The following SAMD5 variants were observed in gnomAD, a reference collection of about 807,000 sequenced individuals.
SAMD5 encodes sterile alpha motif domain-containing protein 5.
A neutral mutation model predicts 11.3 loss-of-function variants in SAMD5; 13 were observed. That is an observed-to-expected ratio of 1.15 (90% CI 0.75 to 1.83). The LOEUF (loss-of-function observed/expected upper bound fraction) is 1.83, where lower values mean the gene tolerates loss of function less well. Ranked by LOEUF, SAMD5 falls within the 40% of genes most tolerant of loss-of-function variation. The probability of loss-of-function intolerance (pLI) is 0.00; values close to 1 mark genes in which losing one functional copy is unlikely to be tolerated. For missense variants in SAMD5, 255 were observed against 239.1 expected, an observed-to-expected ratio of 1.07 and a Z score of -0.44; for synonymous variants, 129 against 111.3, an observed-to-expected ratio of 1.16 and a Z score of -1.00.
intron 1 of SAMD5, among the ~76,000 whole-genome samples, chr6:147,650,973 C>A (rs1790475278): frequency 6.6e-6 from 1 of 151,128 alleles, no homozygotes; most frequent in Admixed American, 6.6e-5. Context: ...TTATGAATTT[C>A]TATTAACTCT....
chr6:147,613,129 T>TCAAACAAAGCATATTA (rs1562333406), intron 1 of SAMD5, among the ~76,000 whole-genome samples: 12 of 150,374 alleles, frequency 8.0e-5, no homozygotes, highest in African/African-American at 3.0e-4. Flanking sequence ...CTAGCCTGGG[T>TCAAACAAAGCATATTA]GACAGAGCAA....
At chr6:147,724,278 C>T (rs945667831) in intron 1 of SAMD5, among the ~76,000 whole-genome samples, 2 of 152,286 alleles carry the variant, frequency 1.3e-5, no homozygotes, top group South Asian at 4.2e-4. Flanking sequence ...CAGGCGCCTG[C>T]CACCACACCT....
At chr6:147,909,634 C>CTTTCTTTCTTTCTTTCTTTCTTTCTTTCT in the SAMD5 span, among the ~76,000 whole-genome samples, 19 of 66,584 alleles carry the variant, frequency 2.9e-4, 2 homozygotes, top group South Asian at 5.3e-3. Context: ...CTTTCTTTCT[C>CTTTCTTTCTTTCTTTCTTTCTTTCTTTCT]TTTCTTGTCT....
intron 1 of SAMD5, among the ~76,000 whole-genome samples, chr6:147,670,972 A>C (rs961264627): frequency 2.6e-5 from 4 of 152,224 alleles, no homozygotes; most frequent in African/African-American, 9.7e-5. Flanking sequence ...TAAGCTTAAT[A>C]ATTTCTAGCT....
chr6:147,915,015 G>GTCTCTTTAGC, the SAMD5 span, among the ~76,000 whole-genome samples: 1 of 152,162 alleles, frequency 6.6e-6, no homozygotes, highest in Non-Finnish European at 1.5e-5. Flanking sequence ...AAAGAGACAT[G>GTCTCTTTAGC]AGAACTAATC....
At chr6:147,544,422 G>A (rs1291474342) in intron 1 of SAMD5, among the ~76,000 whole-genome samples, 2 of 152,134 alleles carry the variant, frequency 1.3e-5, no homozygotes. Flanking sequence ...TGATTATTAA[G>A]TTATAAGCAC....
At chr6:147,944,347 G>A in the SAMD5 span, among the ~76,000 whole-genome samples, 4 of 152,184 alleles carry the variant, frequency 2.6e-5, no homozygotes, top group East Asian at 7.7e-4. Context: ...AGGAAAGGAG[G>A]AGCAAGTCAC....
the SAMD5 span, among the ~76,000 whole-genome samples, chr6:147,758,164 A>C: frequency 1.3e-5 from 2 of 152,310 alleles, no homozygotes; most frequent in African/African-American, 4.8e-5. Context: ...AAAATACCCC[A>C]CTGGATTTAT....
chr6:147,786,889 C>T, the SAMD5 span, among the ~76,000 whole-genome samples: 1 of 152,132 alleles, frequency 6.6e-6, no homozygotes, highest in Non-Finnish European at 1.5e-5. Flanking sequence ...CATGACCAGC[C>T]ACACTCTGCA....
intron 1 of SAMD5, among the ~76,000 whole-genome samples, chr6:147,523,182 C>A (rs1788281171): frequency 6.6e-6 from 1 of 152,014 alleles, no homozygotes; most frequent in African/African-American, 2.4e-5. Flanking sequence ...AATTGAAAAC[C>A]CTTATAAAAT....
At chr6:147,595,386 C>T (rs1252785829) in intron 1 of SAMD5, among the ~76,000 whole-genome samples, 2 of 152,092 alleles carry the variant, frequency 1.3e-5, no homozygotes, top group Non-Finnish European at 2.9e-5. Context: ...AACAGTTAGC[C>T]AGTAGAGCCC....
the SAMD5 span, among the ~76,000 whole-genome samples, chr6:147,745,097 G>A: frequency 6.6e-6 from 1 of 152,044 alleles, no homozygotes; most frequent in African/African-American, 2.4e-5. Context: ...TAGTATTCTT[G>A]TGATTTTTAA....
intron 1 of SAMD5, among the ~76,000 whole-genome samples, chr6:147,547,513 C>A (rs1788705307): frequency 6.6e-6 from 1 of 152,212 alleles, no homozygotes; most frequent in African/African-American, 2.4e-5. Context: ...CACTTCTTTT[C>A]ATGTGGCGCC....
chr6:147,659,774 T>C (rs1790621584), intron 1 of SAMD5, among the ~76,000 whole-genome samples: 1 of 152,128 alleles, frequency 6.6e-6, no homozygotes, highest in South Asian at 2.1e-4. Flanking sequence ...AGCATTAGGG[T>C]GTATTTTCCA....
the SAMD5 span, among the ~76,000 whole-genome samples, chr6:147,852,742 C>A: frequency 6.6e-6 from 1 of 152,094 alleles, no homozygotes; most frequent in East Asian, 1.9e-4. Context: ...ATGAAGATAA[C>A]CAATTTCTTA....
chr6:147,606,345 C>A (rs1239837339), intron 1 of SAMD5, among the ~76,000 whole-genome samples: 1 of 151,658 alleles, frequency 6.6e-6, no homozygotes, highest in Non-Finnish European at 1.5e-5. Context: ...ACTTGATTTC[C>A]TTCTTGGCAA....
intron 1 of SAMD5, among the ~76,000 whole-genome samples, chr6:147,556,887 TCTC>T: frequency 6.6e-6 from 1 of 152,258 alleles, no homozygotes; most frequent in South Asian, 2.1e-4. Context: ...ACTAAAACCT[TCTC>T]TCTTGTCTTG....
the SAMD5 span, among the ~76,000 whole-genome samples, chr6:147,909,443 A>T: frequency 6.6e-6 from 1 of 152,186 alleles, no homozygotes; most frequent in Non-Finnish European, 1.5e-5. Context: ...ATAAACTGCT[A>T]ATGTCTCCAC....
the SAMD5 span, among the ~76,000 whole-genome samples, chr6:147,835,421 T>C: frequency 1.3e-5 from 2 of 152,036 alleles, no homozygotes; most frequent in Non-Finnish European, 2.9e-5. Flanking sequence ...ATTTAAACAA[T>C]TACGGAGGAG....
Sources: gnomAD v4.1 joint callset for allele counts (sites outside exome capture counted in the v4.1 genomes callset) on GRCh38, gnomAD v4.1.1 for gene constraint, MANE v1.5 for transcripts, NCBI Gene and HGNC (gene_info 2026-07-23, HGNC 2026-07-21) for gene names.